Variants in LRSAM1 observed in about 807,000 individuals in gnomAD.
LRSAM1 encodes leucine rich repeat and sterile alpha motif containing 1.
In LRSAM1, 96 loss-of-function variants were observed where a neutral mutation model predicts 118.1. That is an observed-to-expected ratio of 0.81 (90% confidence interval 0.69 to 0.96). The LOEUF is 0.96. Ranked by LOEUF, LRSAM1 falls within the 40% of genes least tolerant of loss-of-function variation. The probability of loss-of-function intolerance (pLI) is 0.00; values close to 1 mark genes in which losing one functional copy is unlikely to be tolerated. For missense variants in LRSAM1, 804 were observed against 915.5 expected (o/e 0.88, Z 1.57); for synonymous variants, 322 against 364.2 (o/e 0.88, Z 1.32).
At position 127,502,809 on chromosome 9, in the gene LRSAM1, CTGCTGCCAGCAG is replaced by C. The variant is rs1554763017; in HGVS notation, c.2093_2104del (p.Gln698_Gln701del). 1.9e-6 allele frequency: 3 copies of C among 1,611,934 alleles called. No homozygotes were observed. The highest frequency in any genetic ancestry group is 2.2e-5 in the East Asian group (1 of 44,846). ...TCTTCCTCAACTGTGGCCACGTCTG[CTGCTGCCAGCAG>C]TGCTGCCAGCCACTGCGCACCTGCC... On this transcript the variant is annotated inframe_deletion, in exon 26 of 26. Coordinates refer to ENST00000300417, the MANE Select transcript of LRSAM1 (RefSeq NM_001005373.4).
chr9:127,503,043 C>A lies in LRSAM1; in HGVS notation c.*144C>A. ...TTCCCCACTGCCCAGGAGCCCCCAT[C>A]CTAAGCTCCAAGCATGTCTGGGCCA... On this transcript the variant is annotated 3_prime_UTR_variant, in exon 26 of 26. Transcript: ENST00000300417. 2 of 1,119,942 alleles carry A rather than the reference C, an allele frequency of 1.8e-6. No individual in the cohort carries two copies. Among genetic ancestry groups the A allele is most frequent in the Non-Finnish European group, 2.6e-6 (2 of 776,514 alleles). The allele number at this position is 1,119,942 out of a possible 1,614,324, so 69.4% of individuals were successfully genotyped here.
rs1834560689 is a variant in LRSAM1 at position 127,457,404 on chromosome 9, C to G, written c.252+11C>G. 1 of 1,613,640 alleles carries G rather than the reference C, an allele frequency of 6.2e-7. No individual in the cohort carries two copies. Among genetic ancestry groups the G allele is most frequent in the African/African-American group, 1.3e-5 (1 of 74,956 alleles). On this transcript the variant is annotated intron_variant, in intron 6 of 25. Coordinates refer to ENST00000300417, the MANE Select transcript of LRSAM1 (RefSeq NM_001005373.4). The stretch of plus-strand genomic sequence containing the variant: ...CTGGCAACCATCAAGGTACTGGGCC[C>G]TCCTCCCAGGCAGCTGGGGCTCTGC...
chr9:127,498,883 AC>A (rs1457144148), intron 24 of LRSAM1, among the ~76,000 whole-genome samples: 23 of 151,704 alleles, frequency 1.5e-4, no homozygotes, highest in African/African-American at 5.6e-4. Context: ...ACATGGTGAA[AC>A]CCTGTCTCTA....
At chr9:127,455,726 T>A in intron 5 of LRSAM1, 106 bp downstream of exon 5, 1 of 1,052,508 alleles carries the variant, frequency 9.5e-7, no homozygotes, top group Non-Finnish European at 1.5e-6. Context: ...ACCTCCTTTC[T>A]CTCTGCTTCT....
Position 127,467,829 on chromosome 9 carries a change from A to G in LRSAM1, c.618A>G (p.Lys206=), listed in dbSNP as rs141428822. 17 of 1,584,966 alleles carry G rather than the reference A, an allele frequency of 1.1e-5. No homozygotes were observed. The African/African-American group carries it at 2.0e-4, about 19-fold the overall frequency. Residue 206 remains lysine (K), a splice_region_variant and synonymous_variant, in exon 10 of 26, where the codon AAA becomes AAG. Coordinates refer to ENST00000300417, the MANE Select transcript of LRSAM1 (RefSeq NM_001005373.4). ...GTAAILQFLC[K]ESGLEYYPPS... ...CGGCCATCTTGCAGTTCCTCTGCAA[A>G]GGTAAAGCCAGGCCGCTGCCTCCTC...
intron 9 of LRSAM1, among the ~76,000 whole-genome samples, chr9:127,463,025 GTC>G (rs1361183646): frequency 6.6e-6 from 1 of 151,766 alleles, no homozygotes; most frequent in African/African-American, 2.4e-5. Context: ...GTGAAACCCT[GTC>G]TCTACTAAAA....
intron 11 of LRSAM1, among the ~76,000 whole-genome samples, chr9:127,478,068 A>G (rs541270550): frequency 3.1e-4 from 47 of 152,096 alleles, no homozygotes; most frequent in South Asian, 4.1e-4. Flanking sequence ...AAAAAAAAAA[A>G]AAGAAGAACC....
intron 17 of LRSAM1, chr9:127,486,687 G>A (rs569736658): frequency 6.6e-6 from 1 of 152,358 alleles, no homozygotes; most frequent in East Asian, 1.9e-4. Flanking sequence ...CTAACCGTGA[G>A]GTCTCAGGCA....
intron 9 of LRSAM1, among the ~76,000 whole-genome samples, chr9:127,463,387 G>A (rs762243640): frequency 3.3e-5 from 5 of 152,070 alleles, no homozygotes; most frequent in Admixed American, 1.3e-4. Flanking sequence ...GTAGGGAGCC[G>A]TTGGGATGGG....
rs369818709 is a variant in LRSAM1 at position 127,495,921 on chromosome 9, C to A, written c.1699-43C>A. 21 of 1,607,938 alleles carry A rather than the reference C, an allele frequency of 1.3e-5. No homozygotes were observed. In the South Asian group the frequency reaches 2.1e-4, roughly 16 times the overall value. On this transcript the variant is annotated intron_variant, in intron 22 of 25. Coordinates refer to ENST00000300417, the MANE Select transcript of LRSAM1 (RefSeq NM_001005373.4). ...CATTTCCTGTTGTAAACAGTGGGTT[C>A]TTTTCTTCCTTCCTGCTCATGGTAC...
chr9:127,479,358 A>T, intron 12 of LRSAM1, 25 bp from the exon 13 acceptor site: 1 of 1,614,048 alleles, frequency 6.2e-7, no homozygotes, highest in Non-Finnish European at 8.5e-7. Flanking sequence ...CTGTGCTGAC[A>T]GTCACCAGGA....
In LRSAM1 at chr9:127,503,255, G is replaced by A. The variant is rs1394418871; in HGVS notation, c.*356G>A. Reference sequence around the variant, plus strand: ...CAGGAGCTTGGGTCCTCATCTGGGGGCCATGCACAGGCCCGTCCCACCCTG... The same window carrying A: ...CAGGAGCTTGGGTCCTCATCTGGGGACCATGCACAGGCCCGTCCCACCCTG... On this transcript the variant is annotated 3_prime_UTR_variant, in exon 26 of 26. Transcript: ENST00000300417. 5.1e-5 allele frequency: 18 copies of A among 352,446 alleles called. No individual in the cohort carries two copies. Among genetic ancestry groups the A allele is most frequent in the Non-Finnish European group, 7.2e-5 (13 of 180,754 alleles). The allele number at this position is 352,446 out of a possible 1,614,324, so 21.8% of individuals were successfully genotyped here.
chr9:127,468,881 T>C (rs964953690), intron 10 of LRSAM1, among the ~76,000 whole-genome samples: 2 of 150,616 alleles, frequency 1.3e-5, no homozygotes, highest in African/African-American at 2.4e-5. Flanking sequence ...CCCAGCTACT[T>C]GGGAGGCTGA....
At chr9:127,458,800 A>G (rs968754637) in intron 6 of LRSAM1, among the ~76,000 whole-genome samples, 2 of 152,202 alleles carry the variant, frequency 1.3e-5, no homozygotes. Flanking sequence ...GTAAAAATAA[A>G]TATACATAAA....
At chr9:127,495,292 C>G (rs371799194) in intron 21 of LRSAM1, 28 bp from the exon 22 acceptor site, 1 of 1,601,734 alleles carries the variant, frequency 6.2e-7, no homozygotes. Flanking sequence ...CATTTTGTGA[C>G]TAACATTGCC....
chr9:127,466,723 G>C (rs773964188), intron 9 of LRSAM1, among the ~76,000 whole-genome samples: 8 of 151,312 alleles, frequency 5.3e-5, no homozygotes, highest in Admixed American at 4.0e-4. Flanking sequence ...TATCCAAAGT[G>C]AACTGAGAGG....
intron 17 of LRSAM1, 26 bp from the exon 18 acceptor site, chr9:127,487,635 AAACGTTCCAAGAATG>A: frequency 6.3e-7 from 1 of 1,591,674 alleles, no homozygotes; most frequent in African/African-American, 1.3e-5. Context: ...GGTGCTCGGG[AAACGTTCCAAGAATG>A]AATGAATTTG....
At chr9:127,457,209 GC>G in intron 5 of LRSAM1, 106 bp from the exon 6 acceptor site, 1 of 1,212,176 alleles carries the variant, frequency 8.2e-7, no homozygotes, top group Non-Finnish European at 1.2e-6. Flanking sequence ...GTCTGGGAGA[GC>G]AAGATGGTGG....
At chr9:127,469,701 C>T (rs1350912596) in intron 10 of LRSAM1, among the ~76,000 whole-genome samples, 4 of 152,066 alleles carry the variant, frequency 2.6e-5, no homozygotes, top group Admixed American at 6.6e-5. Flanking sequence ...CGGTGGCTCG[C>T]GCCTGTAATC....
Sources: gnomAD v4.1 joint callset for allele counts (sites outside exome capture counted in the v4.1 genomes callset) on GRCh38, gnomAD v4.1.1 for gene constraint, MANE v1.5 for transcripts, NCBI Gene and HGNC (gene_info 2026-07-23, HGNC 2026-07-21) for gene names.